Variants in ZNF335 observed in about 807,000 individuals in gnomAD.
The protein encoded by ZNF335 is NRC-interacting factor 1.
A neutral mutation model predicts 145.6 loss-of-function variants in ZNF335; 84 were observed. That is an observed-to-expected ratio of 0.58 (90% CI 0.48 to 0.69). The LOEUF (loss-of-function observed/expected upper bound fraction) is 0.69, where lower values mean the gene tolerates loss of function less well. Among genes scored for constraint, ZNF335 ranks in the 30% least tolerant of loss-of-function variants. The pLI is 0.00. For missense variants in ZNF335, 1,865 were observed against 1,809.7 expected (o/e 1.03, Z -0.55); for synonymous variants, 761 against 717.0 (o/e 1.06, Z -0.98).
Position 45,949,568 on chromosome 20 carries a change from C to A in ZNF335, c.3670G>T (p.Val1224Leu), listed in dbSNP as rs1047831462. The A allele has an allele frequency of 6.2e-6, 10 of 1,609,890 alleles. No homozygotes were observed. In the Admixed American group the frequency reaches 1.3e-4, roughly 22 times the overall value. Residue 1224 changes from valine (V) to leucine (L), a missense_variant and splice_region_variant, in exon 25 of 28, where the codon GTG becomes TTG. Transcript: ENST00000322927. The part of the protein sequence containing the change: ...VQHLVTSDNQ[V>L]QYIISQDGVQ... ...CCATCCTGGGAGATGATATACTGCA[C>A]CTGTTGGTGGGGGGGGCGGGCATGG...
intron 6 of ZNF335, chr20:45,966,985 G>A (rs2083967181): frequency 1.2e-5 from 2 of 165,374 alleles, no homozygotes; most frequent in East Asian, 1.6e-4. Flanking sequence ...CCAAGTAGTT[G>A]AGATTACAGA....
At chr20:45,965,506 G>A in intron 7 of ZNF335, 122 bp downstream of exon 7, 1 of 1,213,960 alleles carries the variant, frequency 8.2e-7, no homozygotes, top group Non-Finnish European at 1.1e-6. Context: ...GCCTGCAGGT[G>A]ACCCGGTTTG....
intron 3 of ZNF335, among the ~76,000 whole-genome samples, chr20:45,969,032 CTGAG>C (rs2084009737): frequency 6.6e-6 from 1 of 152,190 alleles, no homozygotes; most frequent in Non-Finnish European, 1.5e-5. Flanking sequence ...GTCAGACTGT[CTGAG>C]CTCATGGCCC....
intron 17 of ZNF335, 39 bp from the exon 18 acceptor site, chr20:45,953,987 G>T (rs1239637210): frequency 1.3e-6 from 2 of 1,540,264 alleles, no homozygotes; most frequent in South Asian, 2.4e-5. Context: ...AGGCACTGGT[G>T]GCAGAGGAGC....
Position 45,968,372 on chromosome 20 carries a change from G to C in ZNF335, c.443-10C>G, listed in dbSNP as rs772773004. On this transcript the variant is annotated splice_polypyrimidine_tract_variant and intron_variant, in intron 3 of 27. Coordinates refer to ENST00000322927, the MANE Select transcript of ZNF335 (RefSeq NM_022095.4). ...GTCACAGTGATGCAGTCTGGGCAGA[G>C]ATGGGGAAGGGTCACACCTCCTGGG... 6.2e-7 allele frequency: 1 copy of C among 1,607,534 alleles called. No homozygotes were observed. The highest frequency in any genetic ancestry group is 1.7e-5 in the Admixed American group (1 of 59,912).
chr20:45,966,579 C>CT (rs2083958502), intron 6 of ZNF335, among the ~76,000 whole-genome samples: 1 of 146,590 alleles, frequency 6.8e-6, no homozygotes, highest in African/African-American at 2.5e-5. Context: ...GAGACAGAGT[C>CT]TTGCTCTGTC....
In ZNF335 at chr20:45,959,403, T is replaced by A; in HGVS notation, c.2051A>T (p.His684Leu). Reference sequence around the variant, plus strand: ...GTTCTTCTTGTGCCGTGTGCTGAAGTGGCAGTACTCACAGGCGAAGGGCTT... The same window carrying A: ...GTTCTTCTTGTGCCGTGTGCTGAAGAGGCAGTACTCACAGGCGAAGGGCTT... ...GAKPFACEYC[H>L]FSTRHKKNLR... The change falls in exon 15 of 28, where the codon CAC becomes CTC. Residue 684 changes from histidine to leucine, a missense_variant. His to Leu is a moderately conservative substitution (Grantham distance 99). Coordinates refer to ENST00000322927, the MANE Select transcript of ZNF335 (RefSeq NM_022095.4). 6.6e-7 allele frequency: 1 copy of A among 1,512,400 alleles called. No individual in the cohort carries two copies. The highest frequency in any genetic ancestry group is 8.9e-7 in the Non-Finnish European group (1 of 1,118,800). 93.7% of individuals were successfully genotyped at this position (1,512,400 alleles called of 1,614,324 possible).
chr20:45,959,525 T>A, intron 14 of ZNF335, 92 bp from the exon 15 acceptor site: 1 of 967,140 alleles, frequency 1.0e-6, no homozygotes, highest in Non-Finnish European at 1.4e-6. Flanking sequence ...TCTCTCCAAC[T>A]GACTGACTTC....
At chr20:45,962,323 G>C in intron 9 of ZNF335, 141 bp from the exon 10 acceptor site, 5 of 670,416 alleles carry the variant, frequency 7.5e-6, no homozygotes, top group Non-Finnish European at 7.9e-6. Context: ...ACACCCCGAC[G>C]CAAGGGTCAA....
Position 45,949,601 on chromosome 20 carries a change from G to A in ZNF335, c.3670-33C>T, listed in dbSNP as rs1441462893. On this transcript the variant is annotated intron_variant, in intron 24 of 27. Coordinates refer to ENST00000322927, the MANE Select transcript of ZNF335 (RefSeq NM_022095.4). Reference sequence around the variant, plus strand: ...TGGGGGGGGCGGGCATGGCGAGGCAGGTGCTGAGGCCCCACTCGCCAGGAG... The same window carrying A: ...TGGGGGGGGCGGGCATGGCGAGGCAAGTGCTGAGGCCCCACTCGCCAGGAG... 3.2e-6 allele frequency: 5 copies of A among 1,585,694 alleles called. No individual in the cohort carries two copies. The South Asian group carries it at 3.4e-5, about 11-fold the overall frequency.
At position 45,953,961 on chromosome 20, in the gene ZNF335, C is replaced by A; in HGVS notation, c.2443-13G>T. 6 of 1,570,546 alleles carry A rather than the reference C, an allele frequency of 3.8e-6. No individual in the cohort carries two copies. In the South Asian group the frequency reaches 6.9e-5, roughly 18 times the overall value. Reference sequence around the variant, plus strand: ...TCACCACAGCCACCTGCAACGGCACCAGGGGGCGGGATGGGAGGCACTGGT... The same window carrying A: ...TCACCACAGCCACCTGCAACGGCACAAGGGGGCGGGATGGGAGGCACTGGT... On this transcript the variant is annotated splice_polypyrimidine_tract_variant and intron_variant, in intron 17 of 27. Transcript: ENST00000322927.
chr20:45,949,332 C>A lies in ZNF335; in HGVS notation c.3819+1G>T, dbSNP rs2083584293. On this transcript the variant is annotated splice_donor_variant, in intron 26 of 27. Transcript: ENST00000322927. LOFTEE classifies it high-confidence loss of function. ...GTCTCCCTGTCCCCCCACGGCCCTACCTGGGACTCCTGAAGGAACGGGGCT... is the reference window on the plus strand; with the variant it reads ...GTCTCCCTGTCCCCCCACGGCCCTAACTGGGACTCCTGAAGGAACGGGGCT... 6.2e-7 allele frequency: 1 copy of A among 1,614,028 alleles called. No individual in the cohort carries two copies. The highest frequency in any genetic ancestry group is 8.5e-7 in the Non-Finnish European group (1 of 1,180,042).
chr20:45,959,207 A>T lies in ZNF335; in HGVS notation c.2247T>A (p.Pro749=). The change falls in exon 15 of 28, where the codon CCT becomes CCA. Residue 749 remains proline, a synonymous_variant. Coordinates refer to ENST00000322927, the MANE Select transcript of ZNF335 (RefSeq NM_022095.4). ...APGPPPSSPG[P]PEIPPEATTF... ...ACCCATGCCCCGACCTTACCTCAGG[A>T]GGTCCTGGGGAACTGGGAGGTGGTC... The T allele has an allele frequency of 7.3e-7, 1 of 1,366,338 alleles. No homozygotes were observed. Among genetic ancestry groups the T allele is most frequent in the Non-Finnish European group, 9.6e-7 (1 of 1,045,922 alleles). The allele number at this position is 1,366,338 out of a possible 1,614,324, so 84.6% of individuals were successfully genotyped here.
rs367545283 is a variant in ZNF335 at position 45,949,317 on chromosome 20, C to T, written c.3819+16G>A. The T allele has an allele frequency of 4.6e-5, 74 of 1,614,068 alleles. No individual in the cohort carries two copies. The highest frequency in any genetic ancestry group is 2.0e-4 in the East Asian group (9 of 44,880). On this transcript the variant is annotated intron_variant, in intron 26 of 27. Coordinates refer to ENST00000322927, the MANE Select transcript of ZNF335 (RefSeq NM_022095.4). ...CTGCCTGTGCCCCAGGTCTCCCTGTCCCCCCACGGCCCTACCTGGGACTCC... is the reference window on the plus strand; with the variant it reads ...CTGCCTGTGCCCCAGGTCTCCCTGTTCCCCCACGGCCCTACCTGGGACTCC...
chr20:45,959,236 G>C lies in ZNF335; in HGVS notation c.2218C>G (p.Pro740Ala), dbSNP rs2145383677. 1 of 1,443,554 alleles carries C rather than the reference G, an allele frequency of 6.9e-7. No homozygotes were observed. 89.4% of individuals were successfully genotyped at this position (1,443,554 alleles called of 1,614,324 possible). ...CCTGGGGAACTGGGAGGTGGTCCAGGGGCCGCACTGTGCTGCTGCTTCAGC... is the reference window on the plus strand; with the variant it reads ...CCTGGGGAACTGGGAGGTGGTCCAGCGGCCGCACTGTGCTGCTGCTTCAGC... Reference protein sequence around the residue: ...EELKQQHSAAPGPPPSSPGPP... With the variant: ...EELKQQHSAAAGPPPSSPGPP... Residue 740 changes from proline (P) to alanine (A), a missense_variant, in exon 15 of 28, where the codon CCT becomes GCT. Transcript: ENST00000322927.
intron 18 of ZNF335, 59 bp downstream of exon 18, chr20:45,953,630 G>T: frequency 1.9e-6 from 3 of 1,593,484 alleles, no homozygotes; most frequent in East Asian, 2.2e-5. Flanking sequence ...GGCCCAAATC[G>T]GACCGACCGA....
chr20:45,957,509 C>T (rs2083750417), intron 17 of ZNF335, 77 bp downstream of exon 17: 3 of 1,383,658 alleles, frequency 2.2e-6, no homozygotes, highest in Non-Finnish European at 3.1e-6. Context: ...ACACTGTTTT[C>T]CTCTAGTCCC....
intron 2 of ZNF335, among the ~76,000 whole-genome samples, 199 bp downstream of exon 2, chr20:45,971,011 T>C (rs2084052951): frequency 6.6e-6 from 1 of 152,110 alleles, no homozygotes; most frequent in Non-Finnish European, 1.5e-5. Flanking sequence ...CTATAAGATG[T>C]GGGAAAAAAT....
intron 9 of ZNF335, 95 bp from the exon 10 acceptor site, chr20:45,962,277 C>A: frequency 1.0e-6 from 1 of 968,244 alleles, no homozygotes. Flanking sequence ...AGGGTTGCTG[C>A]GGGAGCAGCT....
Sources: gnomAD v4.1 joint callset for allele counts (sites outside exome capture counted in the v4.1 genomes callset) on GRCh38, gnomAD v4.1.1 for gene constraint, MANE v1.5 for transcripts, NCBI Gene and HGNC (gene_info 2026-07-23, HGNC 2026-07-21) for gene names.